The following WWC2 variants were observed in gnomAD, a reference collection of about 807,000 sequenced individuals.
WWC2 encodes the protein protein WWC2.
WWC2 carries 101 observed loss-of-function variants against 138.5 expected under a neutral mutation model. The ratio of observed to expected loss-of-function variants is 0.73; its 90% confidence interval spans 0.62 to 0.86. The LOEUF (loss-of-function observed/expected upper bound fraction) is 0.86, where lower values mean the gene tolerates loss of function less well. Among genes scored for constraint, WWC2 ranks in the 40% least tolerant of loss-of-function variants. The probability of loss-of-function intolerance (pLI) is 0.00; values close to 1 mark genes in which losing one functional copy is unlikely to be tolerated. For synonymous variants in WWC2, 558 were observed against 538.4 expected (o/e 1.04, Z -0.50); for missense variants, 1,420 against 1,419.4 (o/e 1.00, Z -0.01).
At chr4:183,223,673 A>C (rs369589438) in intron 4 of WWC2, among the ~76,000 whole-genome samples, 1 of 152,072 alleles carries the variant, frequency 6.6e-6, no homozygotes, top group African/African-American at 2.4e-5. Flanking sequence ...TATATATTGC[A>C]ATTGGTAAAT....
chr4:183,183,282 C>A (rs1734692657), intron 1 of WWC2, among the ~76,000 whole-genome samples: 3 of 152,186 alleles, frequency 2.0e-5, no homozygotes, highest in Non-Finnish European at 4.4e-5. Context: ...CACCCATCAC[C>A]TATCACCTAG....
intron 19 of WWC2, 114 bp downstream of exon 19, chr4:183,284,504 A>G (rs1560886511): frequency 1.9e-5 from 22 of 1,150,712 alleles, no homozygotes; most frequent in Non-Finnish European, 2.2e-5. Flanking sequence ...TGACAACGAC[A>G]AATGCTAGAA....
chr4:183,212,496 C>A (rs992491811), intron 4 of WWC2, among the ~76,000 whole-genome samples: 1 of 152,152 alleles, frequency 6.6e-6, no homozygotes, highest in Non-Finnish European at 1.5e-5. Context: ...GAAATGAAGA[C>A]ATTTTTGTCA....
intron 20 of WWC2, 74 bp downstream of exon 20, chr4:183,286,133 A>G (rs1738242263): frequency 7.5e-7 from 1 of 1,342,022 alleles, no homozygotes; most frequent in African/African-American, 1.5e-5. Flanking sequence ...CACAAACTCC[A>G]GAACTACAGA....
At chr4:183,256,219 T>A (rs78406519) in intron 9 of WWC2, among the ~76,000 whole-genome samples, 3,106 of 152,296 alleles carry the variant, frequency 0.02, 110 homozygotes, top group African/African-American at 0.071. Flanking sequence ...CATACTTACA[T>A]TGCCATCAAA....
chr4:183,197,179 A>G (rs1221621507), intron 2 of WWC2, among the ~76,000 whole-genome samples: 1 of 152,230 alleles, frequency 6.6e-6, no homozygotes, highest in Non-Finnish European at 1.5e-5. Flanking sequence ...TGAATATTTT[A>G]AAACTTCACT....
chr4:183,297,103 T>TCCACCCC (rs1738657441), intron 21 of WWC2, among the ~76,000 whole-genome samples: 1 of 151,920 alleles, frequency 6.6e-6, no homozygotes, highest in Admixed American at 6.6e-5. Context: ...GTTTCCTGAG[T>TCCACCCC]AGCTGGGACC....
intron 19 of WWC2, 111 bp downstream of exon 19, chr4:183,284,501 G>A (rs985922485): frequency 9.8e-6 from 12 of 1,222,174 alleles, no homozygotes; most frequent in Non-Finnish European, 1.2e-5. Context: ...ACATGACAAC[G>A]ACAAATGCTA....
intron 1 of WWC2, among the ~76,000 whole-genome samples, chr4:183,151,478 A>G (rs1733633295): frequency 1.3e-5 from 2 of 152,158 alleles, no homozygotes; most frequent in Admixed American, 6.5e-5. Context: ...ATTTTCTCCC[A>G]TTCTGTAGGT....
At chr4:183,156,183 A>G (rs974764857) in intron 1 of WWC2, among the ~76,000 whole-genome samples, 3 of 151,486 alleles carry the variant, frequency 2.0e-5, no homozygotes, top group South Asian at 2.1e-4. Context: ...CCGCTACCAC[A>G]CCTGGCTAAT....
intron 14 of WWC2, among the ~76,000 whole-genome samples, chr4:183,266,468 A>G (rs1283522150): frequency 6.6e-6 from 1 of 152,214 alleles, no homozygotes; most frequent in Admixed American, 6.5e-5. Flanking sequence ...GAATCCCAAC[A>G]AAGTGATGAC....
rs1367604474 is a variant in WWC2, at chr4:183,193,712, A to G, written c.241+4A>G. 1 of 1,610,954 alleles carries G rather than the reference A, an allele frequency of 6.2e-7. No homozygotes were observed. Among genetic ancestry groups the G allele is most frequent in the Admixed American group, 1.7e-5 (1 of 59,780 alleles). ...TACTACATCGATCACATCAACAGTA[A>G]GTTTTCCTTTTTGGTAAAAGCAAAC... On this transcript the variant is annotated splice_donor_region_variant and intron_variant, in intron 2 of 22. Transcript: ENST00000403733.
chr4:183,103,987 T>A (rs1238158482), intron 1 of WWC2, among the ~76,000 whole-genome samples: 2 of 151,438 alleles, frequency 1.3e-5, no homozygotes, highest in East Asian at 3.9e-4. Flanking sequence ...TGAGACAGAG[T>A]CTCACATTGT....
chr4:183,164,314 TATATACATATATATATATATATAC>T (rs1422807447), intron 1 of WWC2, among the ~76,000 whole-genome samples: 40 of 256 alleles, frequency 0.16, 4 homozygotes, highest in South Asian at 0.33. Flanking sequence ...ATATATATTA[TATATACATATATATATATATATAC>T]ATATATATAT....
intron 1 of WWC2, among the ~76,000 whole-genome samples, chr4:183,113,527 C>T (rs1002755038): frequency 1.8e-4 from 27 of 146,912 alleles, no homozygotes; most frequent in African/African-American, 3.2e-4. Context: ...CGCGCGCGTG[C>T]GCGCGCACAT....
chr4:183,103,729 C>T (rs1016905285), intron 1 of WWC2, among the ~76,000 whole-genome samples: 3 of 151,366 alleles, frequency 2.0e-5, no homozygotes, highest in Non-Finnish European at 2.9e-5. Flanking sequence ...CCTCCGCCGC[C>T]TGGGTTCAAG....
At chr4:183,304,599 C>T (rs1738964276) in intron 21 of WWC2, among the ~76,000 whole-genome samples, 1 of 152,176 alleles carries the variant, frequency 6.6e-6, no homozygotes, top group African/African-American at 2.4e-5. Context: ...ACTCTAGCCC[C>T]CTCTAGTCTT....
chr4:183,137,538 G>T (rs1396038763), intron 1 of WWC2, among the ~76,000 whole-genome samples: 6 of 150,742 alleles, frequency 4.0e-5, no homozygotes, highest in Non-Finnish European at 8.8e-5. Context: ...TCTCACTGTT[G>T]CCCAGGCTGG....
intron 4 of WWC2, among the ~76,000 whole-genome samples, chr4:183,228,988 A>G (rs1343440099): frequency 6.6e-6 from 1 of 152,070 alleles, no homozygotes; most frequent in East Asian, 1.9e-4. Context: ...GTCCACTTAT[A>G]TTAAGTTCAG....
Sources: allele counts gnomAD v4.1 joint callset (sites outside exome capture counted in the v4.1 genomes callset), GRCh38; gene constraint gnomAD v4.1.1; transcripts MANE v1.5; gene names NCBI Gene and HGNC (gene_info 2026-07-23, HGNC 2026-07-21).